ESR1: variants seen among roughly 807,000 people sequenced by gnomAD.
ESR1 encodes estrogen receptor 1, also known as estrogen receptor.
Under a neutral mutation model 52.7 loss-of-function variants are expected in ESR1, and 12 were observed. That is an observed-to-expected ratio of 0.23 (90% CI 0.15 to 0.37). ESR1 has a LOEUF of 0.37. Ranked by LOEUF, ESR1 falls within the 10% of genes least tolerant of loss-of-function variation. The probability of loss-of-function intolerance (pLI) is 1.00; values close to 1 mark genes in which losing one functional copy is unlikely to be tolerated. For synonymous variants in ESR1, 305 were observed against 316.8 expected (o/e 0.96, Z 0.39); for missense variants, 584 against 779.7 (o/e 0.75, Z 2.99).
At chr6:151,708,488 G>C (rs1299064058) in intron 2 of ESR1, among the ~76,000 whole-genome samples, 3 of 151,900 alleles carry the variant, frequency 2.0e-5, no homozygotes, top group Admixed American at 1.3e-4. Flanking sequence ...CATTTCTATT[G>C]GTTTTTTCAT....
At chr6:151,948,577 G>A (rs1424333913) in intron 4 of ESR1, among the ~76,000 whole-genome samples, 1 of 152,054 alleles carries the variant, frequency 6.6e-6, no homozygotes, top group Non-Finnish European at 1.5e-5. Context: ...TTCTTTTAGT[G>A]GCAAACTAGA....
chr6:151,803,874 G>A (rs920499027), upstream of ESR1, among the ~76,000 whole-genome samples: 2 of 152,128 alleles, frequency 1.3e-5, no homozygotes, highest in Middle Eastern at 3.2e-3. Flanking sequence ...GCACAGACAC[G>A]GGGAAGTTGA....
At chr6:151,877,067 C>T (rs1197539912) in intron 2 of ESR1, among the ~76,000 whole-genome samples, 2 of 151,562 alleles carry the variant, frequency 1.3e-5, no homozygotes, top group Non-Finnish European at 2.9e-5. Context: ...TTTTCTCAAG[C>T]ATTATCTTGA....
intron 2 of ESR1, among the ~76,000 whole-genome samples, chr6:151,770,881 C>CA (rs939394668): frequency 6.1e-5 from 9 of 147,858 alleles, no homozygotes; most frequent in East Asian, 2.0e-4. Flanking sequence ...TGTTTCTCAG[C>CA]AAAAAAAATA....
chr6:151,734,311 AG>A lies in ESR1; in HGVS notation c.-71+32307del, dbSNP rs1782473232. 2.0e-5 allele frequency among the ~76,000 whole-genome samples: 3 copies of A among 152,336 alleles called. No homozygotes were observed. In the South Asian group the frequency reaches 6.2e-4, roughly 32 times the overall value. On this transcript the variant is annotated intron_variant, in intron 2 of 2. Coordinates refer to the ESR1 transcript ENST00000404742. ...AAAGAAGTGGACACAATCCACGTCAAGTTCCATCTTCTTTGTGGCAGCCATG... is the reference window on the plus strand; with the variant it reads ...AAAGAAGTGGACACAATCCACGTCAATTCCATCTTCTTTGTGGCAGCCATG...
rs533919446 is a variant in ESR1 at position 152,101,703 on chromosome 6, A to G, written c.*2737A>G. 105 of 231,046 alleles carry G rather than the reference A, an allele frequency of 4.5e-4. No homozygotes were observed. The highest frequency in any genetic ancestry group is 2.3e-3 in the African/African-American group (103 of 45,338). 14.3% of individuals were successfully genotyped at this position (231,046 alleles called of 1,614,324 possible). ...CCACTCTGAGGCAAGTTAAAATGTA[A>G]AAGATGTGATTTATCTGGGGGGCTC... On this transcript the variant is annotated 3_prime_UTR_variant, in exon 8 of 8. Transcript: ENST00000206249.
At chr6:151,692,120 A>G (rs1778993117) in intron 1 of ESR1, among the ~76,000 whole-genome samples, 1 of 152,214 alleles carries the variant, frequency 6.6e-6, no homozygotes, top group South Asian at 2.1e-4. Context: ...ACAGTCAAGG[A>G]AAGGAATAAA....
intron 1 of ESR1, among the ~76,000 whole-genome samples, chr6:151,810,579 G>A (rs535305430): frequency 3.9e-5 from 6 of 152,314 alleles, no homozygotes; most frequent in African/African-American, 1.4e-4. Flanking sequence ...GGGGCTGAAA[G>A]CAGTGTTTTC....
chr6:152,062,472 A>G (rs1245392390), intron 6 of ESR1, among the ~76,000 whole-genome samples: 12 of 152,258 alleles, frequency 7.9e-5, no homozygotes, highest in Admixed American at 5.2e-4. Flanking sequence ...TACAGAATGA[A>G]GTCCCATGAT....
At chr6:151,847,985 C>A (rs1257456816) in intron 2 of ESR1, among the ~76,000 whole-genome samples, 1 of 139,126 alleles carries the variant, frequency 7.2e-6, no homozygotes, top group African/African-American at 2.7e-5. Context: ...TGGGTATATA[C>A]CCAAAGGACT....
intron 1 of ESR1, among the ~76,000 whole-genome samples, chr6:151,677,604 A>G (rs1004762672): frequency 6.6e-6 from 1 of 152,152 alleles, no homozygotes; most frequent in Non-Finnish European, 1.5e-5. Flanking sequence ...TTTGTTCCCT[A>G]TTGTTCATAA....
At chr6:151,898,606 C>G (rs571640524) in intron 3 of ESR1, among the ~76,000 whole-genome samples, 143 of 152,012 alleles carry the variant, frequency 9.4e-4, no homozygotes, top group Middle Eastern at 3.4e-3. Flanking sequence ...TGACTCTTAA[C>G]GAGCATGCTG....
intron 3 of ESR1, among the ~76,000 whole-genome samples, chr6:151,882,124 A>C (rs1793038629): frequency 6.6e-6 from 1 of 152,108 alleles, no homozygotes; most frequent in Admixed American, 6.6e-5. Flanking sequence ...GCTAACCTTT[A>C]AATCATTCTT....
At chr6:151,849,136 C>T (rs1319910641) in intron 2 of ESR1, among the ~76,000 whole-genome samples, 2 of 152,126 alleles carry the variant, frequency 1.3e-5, no homozygotes, top group African/African-American at 2.4e-5. Context: ...AGTAATACTA[C>T]TCTTACTTCT....
At chr6:151,774,647 G>T (rs76652080) in intron 2 of ESR1, among the ~76,000 whole-genome samples, 31 of 152,280 alleles carry the variant, frequency 2.0e-4, no homozygotes, top group Non-Finnish European at 3.7e-4. Context: ...AGTTAGAGAT[G>T]ATCCATTTAG....
At chr6:151,884,136 T>C (rs755819715) in intron 3 of ESR1, among the ~76,000 whole-genome samples, 3 of 152,234 alleles carry the variant, frequency 2.0e-5, no homozygotes, top group Non-Finnish European at 4.4e-5. Flanking sequence ...ACATAAGTTT[T>C]AAATGAAGCT....
intron 4 of ESR1, among the ~76,000 whole-genome samples, chr6:152,007,254 C>T (rs1389784577): frequency 6.6e-6 from 1 of 151,932 alleles, no homozygotes. Flanking sequence ...CTCAGGATCT[C>T]GTGAGGCCTG....
At chr6:151,966,773 T>C (rs1446427797) in intron 4 of ESR1, among the ~76,000 whole-genome samples, 1 of 152,204 alleles carries the variant, frequency 6.6e-6, no homozygotes, top group Non-Finnish European at 1.5e-5. Context: ...GAGCACACCC[T>C]TATCCACAGC....
In ESR1 at chr6:151,850,108, A is replaced by ATATAATTTTATATG. The variant is rs1491263524; in HGVS notation, c.643+7321_643+7322insTATAATTTTATATG. ...TATATATATAATTTTATATATATATACAAAATTATATATATATGTCTGGTA... is the reference window on the plus strand; with the variant it reads ...TATATATATAATTTTATATATATATATATAATTTTATATGCAAAATTATATATATATGTCTGGTA... On this transcript the variant is annotated intron_variant, in intron 2 of 7. Coordinates refer to ENST00000206249, the MANE Select transcript of ESR1 (RefSeq NM_000125.4). Among the ~76,000 whole-genome samples the ATATAATTTTATATG allele has an allele frequency of 1.1e-4, 3 of 27,522 alleles. 1 individual carries two copies. The highest frequency in any genetic ancestry group is 2.1e-4 in the Non-Finnish European group (2 of 9,488). The allele number at this position is 27,522 out of a possible 152,430, so 18.1% of individuals were successfully genotyped here.
Sources: allele counts gnomAD v4.1 joint callset (sites outside exome capture counted in the v4.1 genomes callset), GRCh38; gene constraint gnomAD v4.1.1; transcripts MANE v1.5; gene names NCBI Gene and HGNC (gene_info 2026-07-23, HGNC 2026-07-21).